EPHA3: variants seen among roughly 807,000 people sequenced by gnomAD.
The protein encoded by EPHA3 is ephrin type-A receptor 3.
Under a neutral mutation model 107.1 loss-of-function variants are expected in EPHA3, and 42 were observed. That is an observed-to-expected ratio of 0.39 (90% CI 0.31 to 0.51). The LOEUF (loss-of-function observed/expected upper bound fraction) is 0.51. Among genes scored for constraint, EPHA3 ranks in the 20% least tolerant of loss-of-function variants. The pLI is 0.78. For synonymous variants in EPHA3, 461 were observed against 424.8 expected, an observed-to-expected ratio of 1.09 and a Z score of -1.05; for missense variants, 1,183 against 1,211.2, an observed-to-expected ratio of 0.98 and a Z score of 0.35.
At chr3:89,318,830 G>A (rs1706973431) in intron 3 of EPHA3, among the ~76,000 whole-genome samples, 1 of 151,886 alleles carries the variant, frequency 6.6e-6, no homozygotes, top group African/African-American at 2.4e-5. Context: ...TTGAAAATGT[G>A]TAATACTTGA....
chr3:89,329,042 A>G (rs1707233846), intron 3 of EPHA3, among the ~76,000 whole-genome samples: 1 of 152,028 alleles, frequency 6.6e-6, no homozygotes, highest in South Asian at 2.1e-4. Context: ...TTTAGGTCTC[A>G]TTTTTTTGCA....
At chr3:89,424,058 C>CTAG (rs1709406313) in intron 11 of EPHA3, among the ~76,000 whole-genome samples, 1 of 151,292 alleles carries the variant, frequency 6.6e-6, no homozygotes, top group African/African-American at 2.4e-5. Context: ...AATGCCGAGG[C>CTAG]TAGTAATATC....
At chr3:89,275,080 A>G (rs1483423881) in intron 3 of EPHA3, among the ~76,000 whole-genome samples, 3 of 152,040 alleles carry the variant, frequency 2.0e-5, no homozygotes, top group Admixed American at 6.6e-5. Flanking sequence ...GGTCAAATAG[A>G]TAGTAAGTAG....
chr3:89,115,463 G>A (rs1476712335), intron 1 of EPHA3, among the ~76,000 whole-genome samples: 6 of 152,172 alleles, frequency 3.9e-5, no homozygotes, highest in Middle Eastern at 6.8e-3. Context: ...GGCAAGAGAG[G>A]GTTTTTGGGA....
intron 3 of EPHA3, among the ~76,000 whole-genome samples, chr3:89,242,024 A>C (rs936258444): frequency 3.9e-5 from 6 of 152,208 alleles, no homozygotes; most frequent in African/African-American, 7.2e-5. Flanking sequence ...CCTTTAGTGC[A>C]ATAAAATGCT....
At chr3:89,342,684 ATAT>A (rs200454915) in intron 5 of EPHA3, among the ~76,000 whole-genome samples, 2,439 of 152,290 alleles carry the variant, frequency 0.016, 28 homozygotes, top group Non-Finnish European at 0.027. Context: ...TCATTTTTCA[ATAT>A]TGATAACTGA....
intron 13 of EPHA3, among the ~76,000 whole-genome samples, chr3:89,434,413 A>G (rs1370618982): frequency 6.6e-6 from 1 of 151,826 alleles, no homozygotes; most frequent in African/African-American, 2.4e-5. Flanking sequence ...AGACGGGGTT[A>G]CTCCATGTTG....
chr3:89,278,749 G>A (rs1705870479), intron 3 of EPHA3, among the ~76,000 whole-genome samples: 1 of 152,170 alleles, frequency 6.6e-6, no homozygotes, highest in Non-Finnish European at 1.5e-5. Context: ...AACTTCTTGA[G>A]TAAAGCATTT....
intron 2 of EPHA3, among the ~76,000 whole-genome samples, chr3:89,203,602 T>C (rs1435504700): frequency 6.7e-6 from 1 of 149,976 alleles, no homozygotes; most frequent in Non-Finnish European, 1.5e-5. Context: ...TGAAACCCCG[T>C]CTCTACTAAA....
intron 4 of EPHA3, 92 bp downstream of exon 4, chr3:89,341,163 C>T (rs962487541): frequency 1.1e-4 from 143 of 1,355,836 alleles, no homozygotes; most frequent in South Asian, 7.7e-4. Context: ...GCATTTGGCC[C>T]ATTTCCTTCT....
At chr3:89,112,457 G>A (rs944988078) in intron 1 of EPHA3, among the ~76,000 whole-genome samples, 14 of 151,598 alleles carry the variant, frequency 9.2e-5, no homozygotes, top group Non-Finnish European at 1.9e-4. Context: ...TTAAGGGTCC[G>A]ACCATTTTTA....
chr3:89,254,105 C>T (rs770627231), intron 3 of EPHA3, among the ~76,000 whole-genome samples: 7 of 152,032 alleles, frequency 4.6e-5, no homozygotes, highest in Admixed American at 3.9e-4. Context: ...TTCAGCCCTC[C>T]GAGTTTATAT....
chr3:89,397,915 A>ATTT (rs1708883519), intron 6 of EPHA3, among the ~76,000 whole-genome samples: 1 of 152,242 alleles, frequency 6.6e-6, no homozygotes, highest in African/African-American at 2.4e-5. Context: ...TATTGCAGGA[A>ATTT]AAAATGGTCA....
At chr3:89,368,444 T>C (rs1708225077) in intron 5 of EPHA3, among the ~76,000 whole-genome samples, 1 of 150,470 alleles carries the variant, frequency 6.6e-6, no homozygotes, top group African/African-American at 2.4e-5. Context: ...TTCCACAATC[T>C]GTTGCCTGGG....
chr3:89,227,644 T>C (rs1467247133), intron 3 of EPHA3, among the ~76,000 whole-genome samples: 3 of 152,006 alleles, frequency 2.0e-5, no homozygotes, highest in African/African-American at 7.2e-5. Flanking sequence ...TATTTGTGCA[T>C]AGTTAGGTAC....
chr3:89,158,595 A>G (rs1704856053), intron 2 of EPHA3, among the ~76,000 whole-genome samples: 1 of 152,264 alleles, frequency 6.6e-6, no homozygotes, highest in East Asian at 1.9e-4. Context: ...CTTTTCCCAG[A>G]TTCATAATAA....
chr3:89,412,243 C>G (rs969010373), intron 9 of EPHA3, among the ~76,000 whole-genome samples: 31 of 151,460 alleles, frequency 2.0e-4, no homozygotes, highest in Non-Finnish European at 4.1e-4. Context: ...AATATTAAAT[C>G]AAATTAAAAT....
At chr3:89,444,749 T>C (rs748617625) in intron 13 of EPHA3, among the ~76,000 whole-genome samples, 4 of 152,134 alleles carry the variant, frequency 2.6e-5, no homozygotes, top group Admixed American at 1.3e-4. Flanking sequence ...TAATAATATA[T>C]AATTCTCAAT....
chr3:89,336,678 G>A (rs142585516), intron 3 of EPHA3, among the ~76,000 whole-genome samples: 28 of 152,126 alleles, frequency 1.8e-4, no homozygotes, highest in African/African-American at 3.6e-4. Context: ...CGTCCTACTC[G>A]TGAAATTGAA....
Sources: allele counts gnomAD v4.1 joint callset (sites outside exome capture counted in the v4.1 genomes callset), GRCh38; gene constraint gnomAD v4.1.1; transcripts MANE v1.5; gene names NCBI Gene and HGNC (gene_info 2026-07-23, HGNC 2026-07-21).